Variants in ZFAT observed in about 807,000 individuals in gnomAD.
ZFAT encodes zinc finger and AT-hook domain containing, also known as zinc finger protein ZFAT.
ZFAT carries 64 observed loss-of-function variants against 117.7 expected under a neutral mutation model. That is an observed-to-expected ratio of 0.54 (90% CI 0.44 to 0.67). ZFAT has a LOEUF of 0.67. Ranked by LOEUF, ZFAT falls within the 30% of genes least tolerant of loss-of-function variation. ZFAT has a pLI of 0.00. For missense variants in ZFAT, 1,433 were observed against 1,584.5 expected, an observed-to-expected ratio of 0.90 and a Z score of 1.62; for synonymous variants, 679 against 615.0, an observed-to-expected ratio of 1.10 and a Z score of -1.54.
chr8:134,680,901 G>T (rs188285987), intron 1 of ZFAT, among the ~76,000 whole-genome samples: 66 of 152,296 alleles, frequency 4.3e-4, no homozygotes, highest in African/African-American at 1.5e-3. Flanking sequence ...AAAGGTATGT[G>T]AGACTTCTGT....
At chr8:134,588,464 A>T in intron 8 of ZFAT, 69 bp from the exon 9 acceptor site, 1 of 1,462,054 alleles carries the variant, frequency 6.8e-7, no homozygotes, top group South Asian at 1.4e-5. Context: ...AATAAACCTC[A>T]TTGCTAAGCA....
chr8:134,707,715 G>A lies in ZFAT; in HGVS notation c.19+5130C>T, dbSNP rs558526278. On this transcript the variant is annotated intron_variant, in intron 1 of 15. Transcript: ENST00000377838. ...TGCCCCTTTCTTATTCAGACAACCCGCAGCTTCCACTGGCATCCTCTAAGG... is the reference window on the plus strand; with the variant it reads ...TGCCCCTTTCTTATTCAGACAACCCACAGCTTCCACTGGCATCCTCTAAGG... Among the ~76,000 whole-genome samples, 22 of 152,192 alleles carry A rather than the reference G, an allele frequency of 1.4e-4. No homozygotes were observed. The South Asian group carries it at 1.5e-3, about 10-fold the overall frequency.
chr8:134,692,623 G>C (rs1250899846), intron 1 of ZFAT, among the ~76,000 whole-genome samples: 6 of 152,180 alleles, frequency 3.9e-5, no homozygotes, highest in African/African-American at 1.4e-4. Flanking sequence ...AAGTATGGGA[G>C]GAAATCTTAA....
chr8:134,627,219 A>G (rs1014397826), intron 3 of ZFAT, among the ~76,000 whole-genome samples: 1 of 152,162 alleles, frequency 6.6e-6, no homozygotes, highest in African/African-American at 2.4e-5. Flanking sequence ...TAGGGAGCAG[A>G]CTCAGAAGGA....
Position 134,712,959 on chromosome 8 carries a change from C to G in ZFAT, c.-96G>C. 3 of 1,356,574 alleles carry G rather than the reference C, an allele frequency of 2.2e-6. No individual in the cohort carries two copies. The highest frequency in any genetic ancestry group is 3.0e-5 in the South Asian group (2 of 66,992). The allele number at this position is 1,356,574 out of a possible 1,614,324, so 84.0% of individuals were successfully genotyped here. On this transcript the variant is annotated 5_prime_UTR_variant, in exon 1 of 16. Transcript: ENST00000377838. Reference sequence around the variant, plus strand: ...GGCGGGGCGCCCTGCTGACGCTTCGCTTTTTATTTTTATTTTTTTAAGAAA... The same window carrying G: ...GGCGGGGCGCCCTGCTGACGCTTCGGTTTTTATTTTTATTTTTTTAAGAAA...
At chr8:134,737,943 C>CT in the ZFAT span, among the ~76,000 whole-genome samples, 3 of 152,062 alleles carry the variant, frequency 2.0e-5, no homozygotes, top group Admixed American at 1.3e-4. Flanking sequence ...ACCAGGAGAT[C>CT]TTTTTTGTGT....
chr8:134,613,952 T>C (rs978770480), intron 3 of ZFAT, among the ~76,000 whole-genome samples: 1 of 152,200 alleles, frequency 6.6e-6, no homozygotes, highest in African/African-American at 2.4e-5. Context: ...CCTTGAACCA[T>C]TGTGCCTGGA....
chr8:134,666,417 T>C (rs1832221720), intron 1 of ZFAT, among the ~76,000 whole-genome samples: 1 of 152,192 alleles, frequency 6.6e-6, no homozygotes, highest in South Asian at 2.1e-4. Flanking sequence ...TCATTCCTCG[T>C]GATTTTCCAA....
the ZFAT span, among the ~76,000 whole-genome samples, chr8:134,773,453 A>C: frequency 2.0e-5 from 3 of 152,252 alleles, no homozygotes; most frequent in Non-Finnish European, 4.4e-5. Context: ...TTGCTAACAC[A>C]CATCCACTGT....
chr8:134,726,236 G>A, the ZFAT span, among the ~76,000 whole-genome samples: 1 of 152,126 alleles, frequency 6.6e-6, no homozygotes, highest in African/African-American at 2.4e-5. Context: ...GGGCCAAGCG[G>A]GCAACTTGAG....
chr8:134,618,078 A>G (rs1327878568), intron 3 of ZFAT, among the ~76,000 whole-genome samples: 7 of 152,132 alleles, frequency 4.6e-5, no homozygotes, highest in Admixed American at 4.6e-4. Flanking sequence ...ACCTCCCGCC[A>G]TGATTCTGAG....
At chr8:134,770,503 C>A in the ZFAT span, among the ~76,000 whole-genome samples, 2 of 152,166 alleles carry the variant, frequency 1.3e-5, no homozygotes, top group African/African-American at 4.8e-5. Context: ...ATCTCTTAAT[C>A]CTGTCAGCCA....
At chr8:134,640,014 C>A in intron 2 of ZFAT, 1 of 344,876 alleles carries the variant, frequency 2.9e-6, no homozygotes, top group South Asian at 2.2e-5. Flanking sequence ...TCCTGATGTC[C>A]TATGTTGTAG....
At chr8:134,628,670 A>T (rs1829684614) in intron 3 of ZFAT, among the ~76,000 whole-genome samples, 1 of 152,186 alleles carries the variant, frequency 6.6e-6, no homozygotes, top group South Asian at 2.1e-4. Context: ...GTATTATAAC[A>T]CCTATAGCAT....
In ZFAT at chr8:134,588,278, G is replaced by A. The variant is rs1448894613; in HGVS notation, c.2681C>T (p.Ser894Leu). 1 of 1,574,270 alleles carries A rather than the reference G, an allele frequency of 6.4e-7. No homozygotes were observed. The highest frequency in any genetic ancestry group is 8.6e-7 in the Non-Finnish European group (1 of 1,158,146). Residue 894 changes from serine (S) to leucine (L), a missense_variant, in exon 9 of 16, where the codon TCA (serine) becomes TTA (leucine). By Grantham distance (145) the Ser-to-Leu change is moderately radical (BLOSUM62 -2). Coordinates refer to ENST00000377838, the MANE Select transcript of ZFAT (RefSeq NM_020863.4). Reference sequence around the variant, plus strand: ...AGCCCAAATATGACGCTGAAGGTCTGAGCCATTCTTCATGAAATAAAAGTC... The same window carrying A: ...AGCCCAAATATGACGCTGAAGGTCTAAGCCATTCTTCATGAAATAAAAGTC... ...YCDFYFMKNG[S>L]DLQRHIWAHE...
intron 3 of ZFAT, among the ~76,000 whole-genome samples, chr8:134,617,224 C>T (rs1828811368): frequency 6.6e-6 from 1 of 152,200 alleles, no homozygotes; most frequent in Non-Finnish European, 1.5e-5. Flanking sequence ...GAGAGCGTCC[C>T]ATGCACCCAC....
intron 7 of ZFAT, chr8:134,599,465 T>A (rs764643506): frequency 3.8e-5 from 10 of 262,722 alleles, no homozygotes; most frequent in Non-Finnish European, 7.5e-5. Flanking sequence ...CAGAAGGCTA[T>A]TTCATACAGG....
At chr8:134,667,733 A>G (rs1586920800) in intron 1 of ZFAT, among the ~76,000 whole-genome samples, 1 of 152,090 alleles carries the variant, frequency 6.6e-6, no homozygotes, top group African/African-American at 2.4e-5. Context: ...TACCGGGTTC[A>G]TGTCACTGGG....
intron 7 of ZFAT, chr8:134,600,206 T>C (rs1761084083): frequency 1.8e-6 from 1 of 557,984 alleles, no homozygotes. Flanking sequence ...CTAAAAAAAT[T>C]TGCACAGGAA....
Sources: allele counts gnomAD v4.1 joint callset (sites outside exome capture counted in the v4.1 genomes callset), GRCh38; gene constraint gnomAD v4.1.1; transcripts MANE v1.5; gene names NCBI Gene and HGNC (gene_info 2026-07-23, HGNC 2026-07-21).